Variants in UNC5D observed in about 807,000 individuals in gnomAD.
The protein encoded by UNC5D is netrin receptor UNC5D.
In UNC5D, 39 loss-of-function variants were observed where a neutral mutation model predicts 105.4. The observed-to-expected ratio is 0.37, with a 90% CI of 0.29 to 0.48. The LOEUF (loss-of-function observed/expected upper bound fraction) is 0.48, where lower values mean the gene tolerates loss of function less well. UNC5D is among the 20% of genes least tolerant of loss of function. The pLI is 0.98. For missense variants in UNC5D, 991 were observed against 1,202.4 expected (o/e 0.82, Z 2.60); for synonymous variants, 452 against 450.4 (o/e 1.00, Z -0.04).
At chr8:35,596,386 T>C (rs1179182370) in intron 4 of UNC5D, among the ~76,000 whole-genome samples, 1 of 152,212 alleles carries the variant, frequency 6.6e-6, no homozygotes, top group Non-Finnish European at 1.5e-5. Flanking sequence ...GTAATATAGC[T>C]ATTATTGGAG....
chr8:35,464,794 C>T (rs1809175762), intron 1 of UNC5D, among the ~76,000 whole-genome samples: 1 of 152,190 alleles, frequency 6.6e-6, no homozygotes, highest in Non-Finnish European at 1.5e-5. Flanking sequence ...AAGTCATGGG[C>T]TACTGTGTTC....
chr8:35,674,083 G>A (rs1245246295), intron 4 of UNC5D, among the ~76,000 whole-genome samples: 2 of 152,186 alleles, frequency 1.3e-5, no homozygotes, highest in African/African-American at 4.8e-5. Flanking sequence ...ACTGGAGTGT[G>A]TGCATTCAAC....
intron 3 of UNC5D, among the ~76,000 whole-genome samples, chr8:35,585,596 CAG>C (rs1818741747): frequency 6.6e-6 from 1 of 151,182 alleles, no homozygotes; most frequent in Non-Finnish European, 1.5e-5. Context: ...TGGCAATAAA[CAG>C]AACCAATGAA....
chr8:35,344,946 C>T (rs1244835798), intron 1 of UNC5D, among the ~76,000 whole-genome samples: 3 of 151,792 alleles, frequency 2.0e-5, no homozygotes, highest in Admixed American at 6.6e-5. Context: ...TGGGTTTGTG[C>T]GCTTGTATAT....
At chr8:35,568,773 A>G (rs1817534102) in intron 3 of UNC5D, among the ~76,000 whole-genome samples, 2 of 152,242 alleles carry the variant, frequency 1.3e-5, no homozygotes, top group South Asian at 4.1e-4. Flanking sequence ...CTGCCTAGAC[A>G]GTCGGAGTGC....
chr8:35,602,266 T>C (rs142668563), intron 4 of UNC5D, among the ~76,000 whole-genome samples: 4 of 152,176 alleles, frequency 2.6e-5, no homozygotes. Flanking sequence ...TCTCTTTTTT[T>C]GTTGTGTCTC....
chr8:35,758,297 A>C (rs1830605392), intron 13 of UNC5D, among the ~76,000 whole-genome samples: 1 of 152,234 alleles, frequency 6.6e-6, no homozygotes. Flanking sequence ...TTTACTCTTT[A>C]ATAATTGAAA....
At chr8:35,720,094 G>A (rs1200855349) in intron 8 of UNC5D, among the ~76,000 whole-genome samples, 1 of 152,152 alleles carries the variant, frequency 6.6e-6, no homozygotes, top group Non-Finnish European at 1.5e-5. Flanking sequence ...CTGGTAGGGA[G>A]GGAGTGAAAC....
intron 4 of UNC5D, among the ~76,000 whole-genome samples, chr8:35,638,640 T>A (rs967553183): frequency 9.2e-5 from 14 of 151,550 alleles, no homozygotes; most frequent in Non-Finnish European, 1.3e-4. Context: ...TAAAAAAAAA[T>A]AAAAAATTAG....
At chr8:35,399,312 T>C (rs6993456) in intron 1 of UNC5D, among the ~76,000 whole-genome samples, 2 of 152,088 alleles carry the variant, frequency 1.3e-5, no homozygotes, top group Non-Finnish European at 2.9e-5. Context: ...CATTTCCTAG[T>C]CCTTTGAGTG....
chr8:35,491,987 C>G (rs775700025), intron 1 of UNC5D, among the ~76,000 whole-genome samples: 15 of 152,052 alleles, frequency 9.9e-5, no homozygotes, highest in Non-Finnish European at 1.6e-4. Context: ...ATTTGACTCG[C>G]TTTTGAAAGG....
Position 35,726,354 on chromosome 8 carries a change from C to T in UNC5D, c.1506C>T (p.His502=), listed in dbSNP as rs147138619. Residue 502 remains histidine (H), a synonymous_variant, in exon 10 of 17, where the codon CAC becomes CAT. Transcript: ENST00000404895. The stretch of plus-strand genomic sequence containing the variant: ...GAGTGTCTGAGAGAGCTGAGTACCA[C>T]GGCAAGAATCATTCCAGGACTTTTC... The part of the protein sequence containing the change: ...SLGVSERAEY[H]GKNHSRTFPH... 1.8e-5 allele frequency: 29 copies of T among 1,613,984 alleles called. No homozygotes were observed. The highest frequency in any genetic ancestry group is 1.6e-4 in the Middle Eastern group (1 of 6,084).
chr8:35,261,059 C>A lies in UNC5D; in HGVS notation c.103+25172C>A, dbSNP rs112595494. 4.2e-3 allele frequency among the ~76,000 whole-genome samples: 635 copies of A among 152,212 alleles called. 9 individuals carry two copies. The highest frequency in any genetic ancestry group is 0.014 in the African/African-American group (599 of 41,514). On this transcript the variant is annotated intron_variant, in intron 1 of 16. Coordinates refer to ENST00000404895, the MANE Select transcript of UNC5D (RefSeq NM_080872.4). ...GCAGCCTTCACTGCTACGGTCACAC[C>A]AGAAAGAATATTCTGAGTGGTAGAG... is the stretch of plus-strand genomic sequence containing the variant.
At chr8:35,615,064 G>A (rs1252376633) in intron 4 of UNC5D, among the ~76,000 whole-genome samples, 3 of 26,140 alleles carry the variant, frequency 1.1e-4, no homozygotes, top group African/African-American at 2.7e-4. Context: ...CCCACCCCCC[G>A]ATCTCCACAA....
At chr8:35,672,631 C>T (rs1198974915) in intron 4 of UNC5D, among the ~76,000 whole-genome samples, 1 of 152,144 alleles carries the variant, frequency 6.6e-6, no homozygotes, top group Non-Finnish European at 1.5e-5. Flanking sequence ...TGTAACCTCC[C>T]TTACAAGCTG....
intron 1 of UNC5D, among the ~76,000 whole-genome samples, chr8:35,454,534 T>C (rs888641124): frequency 6.6e-6 from 1 of 152,096 alleles, no homozygotes; most frequent in African/African-American, 2.4e-5. Flanking sequence ...GACAAGAAAG[T>C]AGGTTCTGAG....
At chr8:35,303,579 A>T (rs1224152788) in intron 1 of UNC5D, among the ~76,000 whole-genome samples, 2 of 152,186 alleles carry the variant, frequency 1.3e-5, no homozygotes, top group Non-Finnish European at 2.9e-5. Context: ...CTTCTGGTAT[A>T]AAAATTCTGT....
chr8:35,490,117 G>A (rs916555744), intron 1 of UNC5D, among the ~76,000 whole-genome samples: 44 of 152,080 alleles, frequency 2.9e-4, no homozygotes, highest in African/African-American at 9.7e-4. Context: ...GTTGTTTTTT[G>A]TAACCAGGGA....
At chr8:35,714,659 T>C (rs974304115) in intron 8 of UNC5D, among the ~76,000 whole-genome samples, 13 of 152,356 alleles carry the variant, frequency 8.5e-5, no homozygotes, top group African/African-American at 2.9e-4. Flanking sequence ...TTTGCTATTC[T>C]TGTCTATTGC....
Sources: allele counts gnomAD v4.1 joint callset (sites outside exome capture counted in the v4.1 genomes callset), GRCh38; gene constraint gnomAD v4.1.1; transcripts MANE v1.5; gene names NCBI Gene and HGNC (gene_info 2026-07-23, HGNC 2026-07-21).